Variants in CD99L2 observed in about 807,000 individuals in gnomAD.
CD99L2 encodes the protein CD99 antigen-like protein 2.
Under a neutral mutation model 27.3 loss-of-function variants are expected in CD99L2, and 24 were observed. The ratio of observed to expected loss-of-function variants is 0.88; its 90% CI spans 0.64 to 1.24. The LOEUF (loss-of-function observed/expected upper bound fraction) is 1.24. CD99L2 is among the 50% of genes most tolerant of loss of function. The probability of loss-of-function intolerance (pLI) is 0.00; values close to 1 mark genes in which losing one functional copy is unlikely to be tolerated. For synonymous variants in CD99L2, 97 were observed against 87.9 expected (o/e 1.10, Z -0.58); for missense variants, 255 against 221.6 (o/e 1.15, Z -0.96).
Position 150,795,243 on chromosome X carries a change from T to G in CD99L2, c.393A>C (p.Arg131=), listed in dbSNP as rs782033179. 8.3e-7 allele frequency: 1 copy of G among 1,211,560 alleles called. No individual in the cohort carries two copies. Among genetic ancestry groups the G allele is most frequent in the Admixed American group, 2.2e-5 (1 of 46,038 alleles). ...CAATTGGTTTCCTGCGGCCATCATC[T>G]CGATCATTTCGATCATCCAGGGCAT... ...LADALDDRND[R]DDGRRKPIAG... Residue 131 remains arginine (R), a synonymous_variant, in exon 6 of 11, where the codon CGA becomes CGC. Transcript: ENST00000370377.
chrX:150,798,205 G>GGA (rs2045839289), intron 4 of CD99L2, among the ~76,000 whole-genome samples: 1 of 8,128 alleles, frequency 1.2e-4, no homozygotes, highest in Non-Finnish European at 1.9e-4. Context: ...GGGAGGGAGG[G>GGA]AGGAAAGGAA....
chrX:150,833,616 T>A (rs2046479009), intron 1 of CD99L2, among the ~76,000 whole-genome samples: 1 of 111,873 alleles, frequency 8.9e-6, no homozygotes, highest in Non-Finnish European at 1.9e-5. Flanking sequence ...ACACATGAAC[T>A]AATGGAACAG....
intron 1 of CD99L2, among the ~76,000 whole-genome samples, chrX:150,841,897 G>T (rs1366032288): frequency 1.8e-5 from 2 of 111,473 alleles, no homozygotes; most frequent in African/African-American, 6.5e-5. Context: ...ACCTCAAAAG[G>T]TGCAAAATAG....
intron 2 of CD99L2, among the ~76,000 whole-genome samples, chrX:150,826,495 C>T (rs1356803632): frequency 9.0e-6 from 1 of 111,107 alleles, no homozygotes; most frequent in Non-Finnish European, 1.9e-5. Context: ...AACATAAAGT[C>T]CACATATTGA....
At chrX:150,893,422 G>A (rs1227060841) in intron 1 of CD99L2, among the ~76,000 whole-genome samples, 1 of 109,102 alleles carries the variant, frequency 9.2e-6, no homozygotes, top group African/African-American at 3.3e-5. Context: ...ATCTGGCTCA[G>A]CCCAATACCC....
chrX:150,798,563 T>C (rs1204717467), intron 4 of CD99L2, among the ~76,000 whole-genome samples: 1 of 110,784 alleles, frequency 9.0e-6, no homozygotes, highest in African/African-American at 3.3e-5. Flanking sequence ...TTAGACATGG[T>C]GGCATGAAAA....
chrX:150,847,067 A>C (rs2046714587), intron 1 of CD99L2, among the ~76,000 whole-genome samples: 1 of 112,255 alleles, frequency 8.9e-6, no homozygotes, highest in Admixed American at 9.4e-5. Context: ...AAAGGCGCTG[A>C]GCACGAGGCA....
chrX:150,897,463 T>A (rs1282454112), intron 1 of CD99L2, among the ~76,000 whole-genome samples: 9 of 112,063 alleles, frequency 8.0e-5, no homozygotes, highest in Non-Finnish European at 1.7e-4. Flanking sequence ...GCTAGTACCA[T>A]CCACTGTTTT....
intron 2 of CD99L2, among the ~76,000 whole-genome samples, chrX:150,817,656 AT>A (rs2046182672): frequency 8.9e-6 from 1 of 112,391 alleles, no homozygotes; most frequent in Non-Finnish European, 1.9e-5. Flanking sequence ...CGAGTACCCA[AT>A]AATTATTGAC....
chrX:150,866,823 C>T (rs2047068815), intron 1 of CD99L2, among the ~76,000 whole-genome samples: 1 of 111,536 alleles, frequency 9.0e-6, no homozygotes, highest in Non-Finnish European at 1.9e-5. Flanking sequence ...GGTACCCCTA[C>T]AATATGTACA....
intron 1 of CD99L2, among the ~76,000 whole-genome samples, chrX:150,890,151 AAAATAAAT>A (rs56795332): frequency 0.42 from 41,201 of 98,494 alleles, 8,875 homozygotes; most frequent in African/African-American, 0.75. Context: ...ACTCCGTCTC[AAAATAAAT>A]AAATAAATAA....
intron 1 of CD99L2, among the ~76,000 whole-genome samples, chrX:150,891,044 A>G (rs2047504597): frequency 8.9e-6 from 1 of 112,908 alleles, no homozygotes; most frequent in South Asian, 3.6e-4. Context: ...TTTTCTGCAC[A>G]TTTATTTTAA....
intron 4 of CD99L2, among the ~76,000 whole-genome samples, chrX:150,810,715 C>T (rs1332477042): frequency 9.0e-6 from 1 of 111,472 alleles, no homozygotes. Flanking sequence ...TTTAGCAAGA[C>T]TGACAAAGAA....
chrX:150,835,167 C>T (rs1467359505), intron 1 of CD99L2, among the ~76,000 whole-genome samples: 1 of 111,508 alleles, frequency 9.0e-6, no homozygotes, highest in Non-Finnish European at 1.9e-5. Context: ...GTTTTAGCAA[C>T]CTATTGCACT....
At chrX:150,831,402 G>T in intron 1 of CD99L2, 109 bp from the exon 2 acceptor site, 3 of 640,285 alleles carry the variant, frequency 4.7e-6, no homozygotes, top group Non-Finnish European at 7.0e-6. Flanking sequence ...ATAACAAAAG[G>T]TATTCCATGC....
chrX:150,829,455 G>C (rs782198042), intron 2 of CD99L2: 6 of 327,966 alleles, frequency 1.8e-5, no homozygotes, highest in Non-Finnish European at 3.0e-5. Flanking sequence ...CCAGAAGTGG[G>C]GAAAGTCAAG....
At chrX:150,804,405 G>A (rs2045963595) in intron 4 of CD99L2, among the ~76,000 whole-genome samples, 1 of 112,123 alleles carries the variant, frequency 8.9e-6, no homozygotes, top group South Asian at 3.7e-4. Context: ...TGCAGCAAAA[G>A]CAGTCCTGAG....
chrX:150,867,108 G>T (rs2047073803), intron 1 of CD99L2, among the ~76,000 whole-genome samples: 1 of 110,913 alleles, frequency 9.0e-6, no homozygotes, highest in Non-Finnish European at 1.9e-5. Context: ...TTTTTTAATT[G>T]ACAAATAATA....
intron 9 of CD99L2, among the ~76,000 whole-genome samples, chrX:150,770,905 C>A (rs1049457265): frequency 1.8e-5 from 2 of 112,811 alleles, no homozygotes; most frequent in Admixed American, 1.9e-4. Flanking sequence ...CAGGAATAAC[C>A]GCTGTGTCCA....
Sources: gnomAD v4.1 joint callset for allele counts (sites outside exome capture counted in the v4.1 genomes callset) on GRCh38, gnomAD v4.1.1 for gene constraint, MANE v1.5 for transcripts, NCBI Gene and HGNC (gene_info 2026-07-23, HGNC 2026-07-21) for gene names.